CSMD1: variants seen among roughly 807,000 people sequenced by gnomAD.
CSMD1 encodes the protein CUB and Sushi multiple domains 1, also known as CUB and sushi domain-containing protein 1.
Under a neutral mutation model 417.5 loss-of-function variants are expected in CSMD1, and 213 were observed. That is an observed-to-expected ratio of 0.51 (90% CI 0.46 to 0.57). The LOEUF (loss-of-function observed/expected upper bound fraction) is 0.57. Ranked by LOEUF, CSMD1 falls within the 20% of genes least tolerant of loss-of-function variation. CSMD1 has a pLI of 0.00. For synonymous variants in CSMD1, 2,862 were observed against 1,736.8 expected (o/e 1.65, Z -16.11); for missense variants, 6,923 against 4,529.7 (o/e 1.53, Z -15.17).
intron 21 of CSMD1, among the ~76,000 whole-genome samples, chr8:3,350,833 C>T (rs895983031): frequency 4.0e-5 from 6 of 150,876 alleles, no homozygotes; most frequent in Non-Finnish European, 7.4e-5. Flanking sequence ...TTTTATTAGC[C>T]TTTGGAATCT....
chr8:3,032,732 C>G (rs1164323687), intron 50 of CSMD1, among the ~76,000 whole-genome samples: 6 of 152,008 alleles, frequency 3.9e-5, no homozygotes, highest in African/African-American at 1.2e-4. Context: ...CTCAACCCCC[C>G]CAACTCCCTA....
chr8:3,320,465 A>G (rs1469617585), intron 23 of CSMD1, among the ~76,000 whole-genome samples: 20 of 152,218 alleles, frequency 1.3e-4, no homozygotes, highest in Admixed American at 1.3e-3. Flanking sequence ...ATGTAAATAT[A>G]AGGGATTATC....
intron 2 of CSMD1, among the ~76,000 whole-genome samples, chr8:4,479,142 G>A (rs1800955082): frequency 6.6e-6 from 1 of 152,004 alleles, no homozygotes; most frequent in African/African-American, 2.4e-5. Flanking sequence ...TCTTTAATAA[G>A]GTTAATTTAT....
At chr8:3,210,801 T>C (rs1409010300) in intron 30 of CSMD1, among the ~76,000 whole-genome samples, 1 of 151,656 alleles carries the variant, frequency 6.6e-6, no homozygotes, top group Non-Finnish European at 1.5e-5. Context: ...TGGCTAAAGT[T>C]TTATCACTCC....
chr8:2,999,958 G>A lies in CSMD1; in HGVS notation c.8203C>T (p.Pro2735Ser), dbSNP rs776997801. ...ATTCGTCCACAAAGAGTGCACTTAC[G>A]GACACAGACAGGCGTTTGTCCAGAC... ...KWSGQTPVCV[P>S]ITCGHPGNPA... Residue 2735 changes from proline to serine, a missense_variant and splice_region_variant, in exon 53 of 70, where the codon CCC becomes TCC. Coordinates refer to ENST00000635120, the MANE Select transcript of CSMD1 (RefSeq NM_033225.6). 1.0e-5 allele frequency: 16 copies of A among 1,606,770 alleles called. No homozygotes were observed. In the Admixed American group the frequency reaches 1.0e-4, roughly 10 times the overall value.
intron 10 of CSMD1, among the ~76,000 whole-genome samples, chr8:3,501,750 A>G (rs1057193278): frequency 2.6e-5 from 4 of 152,226 alleles, no homozygotes; most frequent in African/African-American, 9.6e-5. Context: ...TGCAAGAAGA[A>G]CGATTACACA....
At chr8:4,234,045 G>C (rs753297468) in intron 3 of CSMD1, among the ~76,000 whole-genome samples, 2 of 152,108 alleles carry the variant, frequency 1.3e-5, no homozygotes, top group Non-Finnish European at 2.9e-5. Context: ...CCATCAGCCA[G>C]TGAAACAGAT....
intron 1 of CSMD1, among the ~76,000 whole-genome samples, chr8:4,830,824 G>A (rs1473418702): frequency 6.6e-6 from 1 of 152,104 alleles, no homozygotes; most frequent in African/African-American, 2.4e-5. Flanking sequence ...GAATGAGCAG[G>A]GAAAGAAAGA....
intron 18 of CSMD1, among the ~76,000 whole-genome samples, chr8:3,376,403 T>A (rs1052647167): frequency 6.6e-6 from 1 of 152,030 alleles, no homozygotes; most frequent in Non-Finnish European, 1.5e-5. Context: ...GACTTGTTTT[T>A]AAAGCTTTCT....
At chr8:4,173,607 G>A (rs6981653) in intron 3 of CSMD1, among the ~76,000 whole-genome samples, 1 of 152,076 alleles carries the variant, frequency 6.6e-6, no homozygotes, top group Non-Finnish European at 1.5e-5. Flanking sequence ...AAAGTTATTA[G>A]ATACATAGCT....
intron 23 of CSMD1, among the ~76,000 whole-genome samples, chr8:3,320,481 T>C (rs551689397): frequency 3.5e-4 from 54 of 152,310 alleles, no homozygotes; most frequent in African/African-American, 1.2e-3. Flanking sequence ...TTATCAACAA[T>C]ACCTGAATTT....
At position 2,940,971 on chromosome 8, in the gene CSMD1, G is replaced by T. The variant is rs149958912; in HGVS notation, c.10535+1501C>A. ...ATTTTTGTGTATATCCCTTTAAGAA[G>T]AGAAGCTCATCTGATCATGGCATCT... is the stretch of plus-strand genomic sequence containing the variant. On this transcript the variant is annotated intron_variant, in intron 69 of 69. Coordinates refer to ENST00000635120, the MANE Select transcript of CSMD1 (RefSeq NM_033225.6). Among the ~76,000 whole-genome samples, 101 of 152,316 alleles carry T rather than the reference G, an allele frequency of 6.6e-4. No individual in the cohort carries two copies. The East Asian group carries it at 0.016, about 24-fold the overall frequency.
At chr8:3,201,807 T>A in intron 31 of CSMD1, 82 bp from the exon 32 acceptor site, 1 of 688,248 alleles carries the variant, frequency 1.5e-6, no homozygotes, top group Non-Finnish European at 2.5e-6. Flanking sequence ...GAATATCTAT[T>A]AATTGCCCCA....
chr8:3,990,406 G>A (rs1814655628), intron 5 of CSMD1, among the ~76,000 whole-genome samples: 1 of 152,104 alleles, frequency 6.6e-6, no homozygotes, highest in Admixed American at 6.5e-5. Context: ...TGGAGACGGG[G>A]ACTTCTCTCC....
intron 37 of CSMD1, among the ~76,000 whole-genome samples, chr8:3,169,388 TCTG>T (rs1190335158): frequency 2.0e-5 from 3 of 152,126 alleles, no homozygotes; most frequent in Non-Finnish European, 4.4e-5. Flanking sequence ...AAGTCTACAT[TCTG>T]CTGCTAAGTG....
intron 3 of CSMD1, among the ~76,000 whole-genome samples, chr8:4,342,651 C>T (rs1246305683): frequency 1.3e-5 from 2 of 151,962 alleles, no homozygotes; most frequent in African/African-American, 2.4e-5. Context: ...ATTTTCATCA[C>T]ATGTGATGCT....
chr8:3,980,834 C>A (rs1171421869), intron 5 of CSMD1, among the ~76,000 whole-genome samples: 2 of 152,180 alleles, frequency 1.3e-5, no homozygotes, highest in East Asian at 3.9e-4. Flanking sequence ...CCACTCCCAG[C>A]AGTTGGCTAC....
At chr8:4,455,365 G>A (rs566074300) in intron 2 of CSMD1, among the ~76,000 whole-genome samples, 2 of 152,236 alleles carry the variant, frequency 1.3e-5, no homozygotes, top group South Asian at 4.2e-4. Context: ...CCAGAAGCTG[G>A]AAAACTGGTC....
Position 3,288,198 on chromosome 8 carries a change from G to C in CSMD1, c.3951-3852C>G, listed in dbSNP as rs1056509956. On this transcript the variant is annotated intron_variant, in intron 25 of 69. Transcript: ENST00000635120. Reference sequence around the variant, plus strand: ...AGCTTTTTGATGTATTGCTGGATTTGGTTTGCCAGTATTTTATTGAGGATT... The same window carrying C: ...AGCTTTTTGATGTATTGCTGGATTTCGTTTGCCAGTATTTTATTGAGGATT... 6.8e-5 allele frequency among the ~76,000 whole-genome samples: 10 copies of C among 147,194 alleles called. 1 individual carries two copies. The highest frequency in any genetic ancestry group is 2.2e-4 in the African/African-American group (8 of 37,058).
Sources: gnomAD v4.1 joint callset for allele counts (sites outside exome capture counted in the v4.1 genomes callset) on GRCh38, gnomAD v4.1.1 for gene constraint, MANE v1.5 for transcripts, NCBI Gene and HGNC (gene_info 2026-07-23, HGNC 2026-07-21) for gene names.